The following PCDHA4 variants were observed in gnomAD, a reference collection of about 807,000 sequenced individuals.
PCDHA4 encodes protocadherin alpha-4.
In PCDHA4, 49 loss-of-function variants were observed where a neutral mutation model predicts 61.4. That is an observed-to-expected ratio of 0.80 (90% confidence interval 0.63 to 1.01). The LOEUF is 1.01. PCDHA4 is among the 50% of genes least tolerant of loss of function. PCDHA4 has a pLI of 0.00. For synonymous variants in PCDHA4, 590 were observed against 550.3 expected (o/e 1.07, Z -1.01); for missense variants, 1,254 against 1,235.8 (o/e 1.01, Z -0.22).
chr5:140,944,276 A>C (rs2093633258), intron 1 of PCDHA4, among the ~76,000 whole-genome samples: 1 of 152,002 alleles, frequency 6.6e-6, no homozygotes, highest in Non-Finnish European at 1.5e-5. Flanking sequence ...CAGCCTTGAC[A>C]CCCCGGGCTC....
intron 1 of PCDHA4, among the ~76,000 whole-genome samples, chr5:140,935,340 C>T (rs781819548): frequency 3.3e-5 from 5 of 152,172 alleles, no homozygotes; most frequent in African/African-American, 7.2e-5. Context: ...TTCTCCCATA[C>T]GTCAAATCCC....
At position 140,828,503 on chromosome 5, in the gene PCDHA4, CA is replaced by C. The variant is rs2150156146; in HGVS notation, c.2385+18934del. The stretch of plus-strand genomic sequence containing the variant: ...CCCGCCCTTGTTCCCGGTAGAGGAA[CA>C]AAGAGTGCTGATTTACGAATCTAGG... On this transcript the variant is annotated intron_variant, in intron 1 of 3. Coordinates refer to ENST00000530339, the MANE Select transcript of PCDHA4 (RefSeq NM_018907.4). 1.9e-6 allele frequency: 3 copies of C among 1,614,120 alleles called. No individual in the cohort carries two copies. The Admixed American group carries it at 5.0e-5, about 27-fold the overall frequency.
chr5:140,900,214 T>C (rs782509259), intron 1 of PCDHA4, among the ~76,000 whole-genome samples: 3 of 152,216 alleles, frequency 2.0e-5, no homozygotes, highest in Non-Finnish European at 4.4e-5. Flanking sequence ...ATCCAGGTTG[T>C]TGCAAATGAC....
chr5:140,944,095 A>AT (rs2093609322), intron 1 of PCDHA4, among the ~76,000 whole-genome samples: 1 of 152,250 alleles, frequency 6.6e-6, no homozygotes. Context: ...GAGTAAGTTT[A>AT]TATCTCATGG....
chr5:140,835,773 G>T (rs2150244448), intron 1 of PCDHA4: 8 of 1,613,392 alleles, frequency 5.0e-6, no homozygotes, highest in Non-Finnish European at 6.8e-6. Context: ...TACGGTGTTC[G>T]TGAAGGAGAA....
rs2150408598 is a variant in PCDHA4, at chr5:140,848,320, T to A, written c.2385+38748T>A. The A allele has an allele frequency of 6.9e-5, 53 of 763,546 alleles. 1 individual carries two copies. The highest frequency in any genetic ancestry group is 1.0e-4 in the Non-Finnish European group (48 of 466,870). 47.3% of individuals were successfully genotyped at this position (763,546 alleles called of 1,614,324 possible). A position where few individuals can be genotyped will look rare whatever the true frequency, so the allele number is the denominator to read the frequency against. ...CGTGATGTCACTCTTTGCCGCGATG[T>A]TCTCTCTGAATCCAGACAAATACAG... is the stretch of plus-strand genomic sequence containing the variant. On this transcript the variant is annotated intron_variant, in intron 1 of 3. Transcript: ENST00000530339.
chr5:140,834,671 C>T (rs142482863), intron 1 of PCDHA4: 2 of 1,614,216 alleles, frequency 1.2e-6, no homozygotes, highest in Non-Finnish European at 1.7e-6. Flanking sequence ...AGGAGCTGTG[C>T]GGGCGGAGCG....
At chr5:140,941,222 T>C (rs147673675) in intron 1 of PCDHA4, among the ~76,000 whole-genome samples, 3 of 116,858 alleles carry the variant, frequency 2.6e-5, no homozygotes, top group African/African-American at 6.4e-5. Flanking sequence ...TTCCTTTCTT[T>C]CTTTCTTTCT....
chr5:140,927,848 G>T (rs1295513512), intron 1 of PCDHA4: 2 of 1,614,180 alleles, frequency 1.2e-6, no homozygotes, highest in Middle Eastern at 3.3e-4. Context: ...GGTGTCTTTG[G>T]TTTAGCTAGC....
At chr5:140,884,143 G>T in intron 1 of PCDHA4, 1 of 1,613,438 alleles carries the variant, frequency 6.2e-7, no homozygotes. Flanking sequence ...TCCGCGTGGG[G>T]CTGTACACTG....
At chr5:140,865,089 T>C (rs1462427966) in intron 1 of PCDHA4, 2 of 152,250 alleles carry the variant, frequency 1.3e-5, no homozygotes, top group Admixed American at 1.3e-4. Context: ...GGGATATTAA[T>C]AAAGGCACTT....
At chr5:140,884,016 G>T (rs143828814) in intron 1 of PCDHA4, 1 of 1,613,208 alleles carries the variant, frequency 6.2e-7, no homozygotes, top group Non-Finnish European at 8.5e-7. Flanking sequence ...CTGATGCCGC[G>T]GTCGGTGGGT....
rs60032403 is a variant in PCDHA4 at position 140,941,214 on chromosome 5, C to CCTTT, written c.2386-37696_2386-37693dup. Among the ~76,000 whole-genome samples, 254 of 122,478 alleles carry CCTTT rather than the reference C, an allele frequency of 2.1e-3. 3 individuals carry two copies. The highest frequency in any genetic ancestry group is 3.1e-3 in the Non-Finnish European group (180 of 58,666). 80.4% of individuals were successfully genotyped at this position (122,478 alleles called of 152,430 possible). Reference sequence around the variant, plus strand: ...TTTTTTCTTTCTTCCTTTCTTTCTTCCTTTCTTTCTTTCTTTCTTTCTTTC... The same window carrying CCTTT: ...TTTTTTCTTTCTTCCTTTCTTTCTTCCTTTCTTTCTTTCTTTCTTTCTTTCTTTC... On this transcript the variant is annotated intron_variant, in intron 1 of 3. Coordinates refer to ENST00000530339, the MANE Select transcript of PCDHA4 (RefSeq NM_018907.4).
chr5:140,868,248 T>C (rs1554161850), intron 1 of PCDHA4: 1 of 152,160 alleles, frequency 6.6e-6, no homozygotes, highest in East Asian at 1.9e-4. Context: ...CAATAGACTT[T>C]TCCTTTGTGG....
intron 1 of PCDHA4, among the ~76,000 whole-genome samples, chr5:140,932,100 CTG>C (rs2088033860): frequency 6.6e-6 from 1 of 151,792 alleles, no homozygotes; most frequent in African/African-American, 2.4e-5. Context: ...GTTTTTATCT[CTG>C]TATTTCCAAT....
chr5:140,833,965 G>GA (rs2150212449), intron 1 of PCDHA4, among the ~76,000 whole-genome samples: 3 of 152,008 alleles, frequency 2.0e-5, no homozygotes, highest in Admixed American at 6.6e-5. Context: ...AAAACTGTGT[G>GA]AAAAAAAAGT....
intron 1 of PCDHA4, chr5:140,863,494 C>A (rs1203332871): frequency 2.3e-5 from 10 of 442,506 alleles, no homozygotes; most frequent in African/African-American, 1.6e-4. Context: ...GTCAACATTA[C>A]GGCTTTTAGT....
chr5:140,958,915 G>T (rs1162016056), intron 1 of PCDHA4, among the ~76,000 whole-genome samples: 13 of 150,674 alleles, frequency 8.6e-5, no homozygotes, highest in Non-Finnish European at 1.8e-4. Flanking sequence ...AAGTCTGCCT[G>T]GGTGTGGTGG....
chr5:140,853,011 T>C, intron 1 of PCDHA4: 1 of 283,070 alleles, frequency 3.5e-6, no homozygotes, highest in African/African-American at 2.3e-5. Context: ...CCCGAGTAGC[T>C]GGGACTACAG....
Sources: gnomAD v4.1 joint callset for allele counts (sites outside exome capture counted in the v4.1 genomes callset) on GRCh38, gnomAD v4.1.1 for gene constraint, MANE v1.5 for transcripts, NCBI Gene and HGNC (gene_info 2026-07-23, HGNC 2026-07-21) for gene names.